SH3PXD2A: variants seen among roughly 807,000 people sequenced by gnomAD.
SH3PXD2A encodes SH3 and PX domains 2A.
Under a neutral mutation model 115.2 loss-of-function variants are expected in SH3PXD2A, and 32 were observed. The observed-to-expected ratio is 0.28, with a 90% CI of 0.21 to 0.37. SH3PXD2A has a LOEUF of 0.37. Among genes scored for constraint, SH3PXD2A ranks in the 10% least tolerant of loss-of-function variants. The probability of loss-of-function intolerance (pLI) is 1.00; values close to 1 mark genes in which losing one functional copy is unlikely to be tolerated. For missense variants in SH3PXD2A, 1,328 were observed against 1,498.7 expected (o/e 0.89, Z 1.88); for synonymous variants, 610 against 629.1 (o/e 0.97, Z 0.45).
chr10:103,842,586 C>T (rs1377573316), intron 1 of SH3PXD2A, among the ~76,000 whole-genome samples: 2 of 152,054 alleles, frequency 1.3e-5, no homozygotes, highest in Non-Finnish European at 2.9e-5. Context: ...CTACTCTTCA[C>T]TACCTCTGTG....
chr10:103,743,024 G>A (rs1482621922), intron 3 of SH3PXD2A, among the ~76,000 whole-genome samples: 1 of 152,164 alleles, frequency 6.6e-6, no homozygotes, highest in Non-Finnish European at 1.5e-5. Context: ...AGGAGGAGAA[G>A]TTAAGTTTCC....
At chr10:103,739,214 C>T (rs1442398137) in intron 3 of SH3PXD2A, among the ~76,000 whole-genome samples, 1 of 152,216 alleles carries the variant, frequency 6.6e-6, no homozygotes, top group Non-Finnish European at 1.5e-5. Context: ...GGACCCCGCC[C>T]TGCCCTCCAG....
At chr10:103,796,722 G>A (rs911250156) in intron 2 of SH3PXD2A, among the ~76,000 whole-genome samples, 2 of 152,050 alleles carry the variant, frequency 1.3e-5, no homozygotes, top group Non-Finnish European at 2.9e-5. Context: ...TTCCACCCTC[G>A]CCTCTCACAC....
intron 6 of SH3PXD2A, among the ~76,000 whole-genome samples, chr10:103,687,576 G>T (rs1162368746): frequency 6.6e-6 from 1 of 152,082 alleles, no homozygotes; most frequent in Non-Finnish European, 1.5e-5. Flanking sequence ...TGCTGCCAGA[G>T]CCCACATCCT....
intron 5 of SH3PXD2A, among the ~76,000 whole-genome samples, chr10:103,711,548 G>A (rs951423646): frequency 7.2e-5 from 11 of 152,168 alleles, no homozygotes; most frequent in Non-Finnish European, 1.5e-4. Flanking sequence ...GAGCTGCACC[G>A]GGAGGGCCAG....
chr10:103,640,469 T>G (rs906867348), intron 8 of SH3PXD2A, among the ~76,000 whole-genome samples: 4 of 151,914 alleles, frequency 2.6e-5, no homozygotes, highest in Admixed American at 1.3e-4. Flanking sequence ...AGAGGGTAAG[T>G]AGACCCCAGG....
At chr10:103,817,685 A>G (rs1399437397) in intron 1 of SH3PXD2A, among the ~76,000 whole-genome samples, 1 of 152,246 alleles carries the variant, frequency 6.6e-6, no homozygotes, top group East Asian at 1.9e-4. Context: ...AAGTGAGAAC[A>G]CATGGTATTT....
At chr10:103,854,993 A>AC (rs1415215278) in intron 1 of SH3PXD2A, among the ~76,000 whole-genome samples, 2 of 151,884 alleles carry the variant, frequency 1.3e-5, no homozygotes, top group Non-Finnish European at 2.9e-5. Context: ...AAAAAAAGAA[A>AC]CCGGGGGGGC....
chr10:103,846,130 G>A (rs963502578), intron 1 of SH3PXD2A, among the ~76,000 whole-genome samples: 5 of 152,328 alleles, frequency 3.3e-5, no homozygotes, highest in Non-Finnish European at 5.9e-5. Flanking sequence ...AGTCTACCCC[G>A]ACCCAGCCAT....
At chr10:103,819,748 C>T (rs77454256) in intron 1 of SH3PXD2A, among the ~76,000 whole-genome samples, 21,529 of 151,726 alleles carry the variant, frequency 0.14, 2,118 homozygotes, top group Non-Finnish European at 0.2. Context: ...GAGCAAAGGG[C>T]CCTGGAGCAG....
rs972923406 is a variant in SH3PXD2A at position 103,620,591 on chromosome 10, C to T, written c.802+1879G>A. On this transcript the variant is annotated intron_variant, in intron 10 of 14. Transcript: ENST00000369774. The surrounding 1 kb of genome is among the most constrained non-coding windows in gnomAD (Gnocchi z 5.3). Reference sequence around the variant, plus strand: ...CTCCACAACCTGCAGCCTGCCTCCCCGACCAGCTCTGCTGTTTGCAGCAAG... The same window carrying T: ...CTCCACAACCTGCAGCCTGCCTCCCTGACCAGCTCTGCTGTTTGCAGCAAG... 7.2e-5 allele frequency among the ~76,000 whole-genome samples: 11 copies of T among 152,166 alleles called. No homozygotes were observed. The highest frequency in any genetic ancestry group is 5.2e-4 in the Admixed American group (8 of 15,288).
intron 1 of SH3PXD2A, among the ~76,000 whole-genome samples, chr10:103,842,234 T>C (rs1198160354): frequency 8.5e-6 from 1 of 118,136 alleles, no homozygotes; most frequent in Non-Finnish European, 1.8e-5. Flanking sequence ...TCATACACTA[T>C]GTTTTTGACC....
intron 6 of SH3PXD2A, chr10:103,678,298 G>A (rs2037566362): frequency 6.5e-6 from 3 of 460,768 alleles, no homozygotes; most frequent in Non-Finnish European, 8.2e-6. Context: ...CGTAAACAGA[G>A]CTGTGCATGC....
chr10:103,634,350 C>T (rs2036833703), intron 8 of SH3PXD2A, among the ~76,000 whole-genome samples: 4 of 152,238 alleles, frequency 2.6e-5, no homozygotes, highest in African/African-American at 9.6e-5. Context: ...ATGTGTGTAT[C>T]ACACATTGAC....
intron 1 of SH3PXD2A, among the ~76,000 whole-genome samples, chr10:103,805,614 G>A (rs2039194218): frequency 6.6e-6 from 1 of 152,278 alleles, no homozygotes; most frequent in Admixed American, 6.5e-5. Flanking sequence ...AAACTGGCAG[G>A]GCATGGTGGC....
At position 103,855,313 on chromosome 10, in the gene SH3PXD2A, T is replaced by A; in HGVS notation, c.-47A>T. The A allele has an allele frequency of 6.9e-7, 1 of 1,447,174 alleles. No individual in the cohort carries two copies. The allele number at this position is 1,447,174 out of a possible 1,614,324, so 89.6% of individuals were successfully genotyped here. On this transcript the variant is annotated 5_prime_UTR_variant, in exon 1 of 15. An upstream start codon of the reference 5' UTR is lost. Transcript: ENST00000369774. ...CGCCCCCGGCGGCGTCACCTTCTCA[T>A]CCCGGCCGGGCTCCGGCTCCTTCTC...
At chr10:103,673,804 C>T (rs948769272) in intron 6 of SH3PXD2A, among the ~76,000 whole-genome samples, 34 of 152,256 alleles carry the variant, frequency 2.2e-4, no homozygotes, top group African/African-American at 7.2e-4. Context: ...CAGCCAACAG[C>T]GAAAACTCCA....
At position 103,602,400 on chromosome 10, in the gene SH3PXD2A, T is replaced by G; in HGVS notation, c.2818A>C (p.Asn940His). The G allele has an allele frequency of 1.2e-6, 2 of 1,614,084 alleles. No individual in the cohort carries two copies. The highest frequency in any genetic ancestry group is 1.7e-6 in the Non-Finnish European group (2 of 1,180,016). ...GGGGGCGTGGCCTTCTTGCTCTGGT[T>G]GACGGTGTTCAGTGCTTGGACGCGC... ...ERRVQALNTV[N>H]QSKKATPPIP... Residue 940 changes from asparagine (N) to histidine (H), a missense_variant, in exon 15 of 15, where the codon AAC becomes CAC. Asn to His is a moderately conservative substitution (Grantham distance 68, BLOSUM62 1). This residue lies in a region of SH3PXD2A where 574 missense variants were observed against 565.7 expected (regional missense o/e 1.01). Coordinates refer to ENST00000369774, the MANE Select transcript of SH3PXD2A (RefSeq NM_001394015.1).
At chr10:103,836,677 A>C (rs982228451) in intron 1 of SH3PXD2A, among the ~76,000 whole-genome samples, 7 of 88,124 alleles carry the variant, frequency 7.9e-5, no homozygotes, top group African/African-American at 3.2e-4. Context: ...ACACTCACAG[A>C]CATGTACACA....
Sources: allele counts gnomAD v4.1 joint callset (sites outside exome capture counted in the v4.1 genomes callset), GRCh38; gene constraint gnomAD v4.1.1; regional missense constraint gnomAD v4.1.1; non-coding constraint Gnocchi (gnomAD v3.1); transcripts MANE v1.5; gene names NCBI Gene and HGNC (gene_info 2026-07-23, HGNC 2026-07-21).